Variants in KCNK13 observed in about 807,000 individuals in gnomAD.
The protein encoded by KCNK13 is potassium two pore domain channel subfamily K member 13.
A neutral mutation model predicts 23.4 loss-of-function variants in KCNK13; 12 were observed. That is an observed-to-expected ratio of 0.51 (90% CI 0.33 to 0.83). The LOEUF (loss-of-function observed/expected upper bound fraction) is 0.83, where lower values mean the gene tolerates loss of function less well. KCNK13 is among the 40% of genes least tolerant of loss of function. KCNK13 has a pLI of 0.02. For synonymous variants in KCNK13, 231 were observed against 229.5 expected (o/e 1.01, Z -0.06); for missense variants, 463 against 556.3 (o/e 0.83, Z 1.69).
At chr14:90,114,111 C>G (rs967910121) in intron 1 of KCNK13, among the ~76,000 whole-genome samples, 1 of 152,188 alleles carries the variant, frequency 6.6e-6, no homozygotes, top group Non-Finnish European at 1.5e-5. Context: ...TGCAGCTCTT[C>G]CTTGAGTACC....
At chr14:90,168,199 C>A (rs938447476) in intron 1 of KCNK13, among the ~76,000 whole-genome samples, 2 of 152,038 alleles carry the variant, frequency 1.3e-5, no homozygotes, top group Admixed American at 6.6e-5. Context: ...CATGGCAAGA[C>A]CCCATCTCTA....
intron 1 of KCNK13, among the ~76,000 whole-genome samples, chr14:90,103,247 C>T (rs1440407049): frequency 1.3e-5 from 2 of 152,168 alleles, no homozygotes; most frequent in African/African-American, 4.8e-5. Context: ...GAGGAACATA[C>T]CAGTGCATTT....
chr14:90,062,636 G>T lies in KCNK13; in HGVS notation c.334+97G>T. On this transcript the variant is annotated intron_variant, in intron 1 of 1. Coordinates refer to ENST00000282146, the MANE Select transcript of KCNK13 (RefSeq NM_022054.4). The surrounding 1 kb of genome is among the most constrained non-coding windows in gnomAD (Gnocchi z 4.5). ...CTCTCATCCTTTCATTCATCCATCTGGGCGCCCAGCCAGACTCCACTGACA... is the reference window on the plus strand; with the variant it reads ...CTCTCATCCTTTCATTCATCCATCTTGGCGCCCAGCCAGACTCCACTGACA... 4.1e-6 allele frequency: 4 copies of T among 966,782 alleles called. No homozygotes were observed. The allele number at this position is 966,782 out of a possible 1,614,324, so 59.9% of individuals were successfully genotyped here. A position where few individuals can be genotyped will look rare whatever the true frequency, so the allele number is the denominator to read the frequency against.
At chr14:90,130,664 A>C (rs2140422476) in intron 1 of KCNK13, among the ~76,000 whole-genome samples, 1 of 152,114 alleles carries the variant, frequency 6.6e-6, no homozygotes, top group South Asian at 2.1e-4. Flanking sequence ...AATACAAAAA[A>C]TCAGCCAGGT....
chr14:90,134,264 T>G (rs1357161463), intron 1 of KCNK13, among the ~76,000 whole-genome samples: 1 of 152,198 alleles, frequency 6.6e-6, no homozygotes, highest in African/African-American at 2.4e-5. Flanking sequence ...TAGGTCAGAA[T>G]GTATAGAATT....
chr14:90,161,485 C>T (rs1890252684), intron 1 of KCNK13, among the ~76,000 whole-genome samples: 1 of 152,060 alleles, frequency 6.6e-6, no homozygotes, highest in Non-Finnish European at 1.5e-5. Flanking sequence ...AATAAGAAAA[C>T]AACCAAAAAT....
rs147667517 is a variant in KCNK13, at chr14:90,104,651, T to A, written c.334+42112T>A. Among the ~76,000 whole-genome samples the A allele has an allele frequency of 3.1e-3, 466 of 151,622 alleles. 5 individuals are homozygous for A. The highest frequency in any genetic ancestry group is 0.011 in the African/African-American group (448 of 41,320). On this transcript the variant is annotated intron_variant, in intron 1 of 1. Coordinates refer to ENST00000282146, the MANE Select transcript of KCNK13 (RefSeq NM_022054.4). ...TGTTTCTTTCCTGGGCCACATATCC[T>A]CCTGGGATGGTCAGATTAAGCCCAA...
intron 1 of KCNK13, among the ~76,000 whole-genome samples, chr14:90,132,264 C>T (rs1012151168): frequency 1.3e-5 from 2 of 152,292 alleles, no homozygotes; most frequent in Admixed American, 1.3e-4. Context: ...AGAATGGAGG[C>T]TGGGTGCAGT....
chr14:90,083,267 A>C (rs1439857149), intron 1 of KCNK13, among the ~76,000 whole-genome samples: 1 of 152,212 alleles, frequency 6.6e-6, no homozygotes, highest in Non-Finnish European at 1.5e-5. Flanking sequence ...ATTTTGATAA[A>C]GTCCAATTTA....
chr14:90,176,155 A>G (rs1417887764), intron 1 of KCNK13, among the ~76,000 whole-genome samples: 1 of 152,222 alleles, frequency 6.6e-6, no homozygotes, highest in Non-Finnish European at 1.5e-5. Context: ...TATGTACCAC[A>G]AGCAACAGGA....
intron 1 of KCNK13, among the ~76,000 whole-genome samples, chr14:90,125,092 G>A (rs756174797): frequency 9.9e-5 from 15 of 152,072 alleles, no homozygotes; most frequent in African/African-American, 3.6e-4. Context: ...GGACGTTTTT[G>A]TAATAAAAAT....
chr14:90,154,020 C>T (rs546500403), intron 1 of KCNK13, among the ~76,000 whole-genome samples: 74 of 152,290 alleles, frequency 4.9e-4, no homozygotes, highest in African/African-American at 1.7e-3. Context: ...CTTATCTGGT[C>T]TGCATCTCTG....
chr14:90,091,215 G>A (rs542301879), intron 1 of KCNK13, among the ~76,000 whole-genome samples: 145 of 152,284 alleles, frequency 9.5e-4, no homozygotes, highest in Admixed American at 1.6e-3. Flanking sequence ...TTTGATCATG[G>A]AGCAGTCAAG....
chr14:90,170,660 G>T (rs1387668197), intron 1 of KCNK13, among the ~76,000 whole-genome samples: 1 of 152,194 alleles, frequency 6.6e-6, no homozygotes, highest in African/African-American at 2.4e-5. Flanking sequence ...TCCTGTAAGA[G>T]TAGGATAGGG....
rs542829362 is a variant in KCNK13 at position 90,067,614 on chromosome 14, A to C, written c.334+5075A>C. Among the ~76,000 whole-genome samples the C allele has an allele frequency of 2.6e-5, 4 of 152,346 alleles. No homozygotes were observed. In the South Asian group the frequency reaches 8.3e-4, roughly 32 times the overall value. ...AATGGTTAAAATGATAAATATGTTA[A>C]GTATATTTGACTGCAGTAAAGAAAA... On this transcript the variant is annotated intron_variant, in intron 1 of 1. Transcript: ENST00000282146.
intron 1 of KCNK13, among the ~76,000 whole-genome samples, chr14:90,094,700 T>C (rs1346494564): frequency 7.0e-6 from 1 of 143,064 alleles, no homozygotes; most frequent in East Asian, 2.0e-4. Flanking sequence ...CAGGCTGGAG[T>C]GCAGTGGCGC....
intron 1 of KCNK13, chr14:90,177,441 T>C (rs187232136): frequency 6.6e-6 from 1 of 152,330 alleles, no homozygotes; most frequent in Non-Finnish European, 1.5e-5. Context: ...CCCTTTTCTA[T>C]GTATGTCCGT....
intron 1 of KCNK13, among the ~76,000 whole-genome samples, chr14:90,074,690 GTTTTTCTCTTATGTT>G (rs1401099220): frequency 1.1e-4 from 16 of 151,990 alleles, no homozygotes; most frequent in Middle Eastern, 3.2e-3. Flanking sequence ...ATTTCAGTTG[GTTTTTCTCTTATGTT>G]ACTGAATTTT....
At chr14:90,079,260 T>G (rs1330961667) in intron 1 of KCNK13, among the ~76,000 whole-genome samples, 2 of 152,068 alleles carry the variant, frequency 1.3e-5, no homozygotes, top group Non-Finnish European at 2.9e-5. Context: ...GACTCTGGGC[T>G]AAGGATTTGG....
Sources: allele counts gnomAD v4.1 joint callset (sites outside exome capture counted in the v4.1 genomes callset), GRCh38; gene constraint gnomAD v4.1.1; non-coding constraint Gnocchi (gnomAD v3.1); transcripts MANE v1.5; gene names NCBI Gene and HGNC (gene_info 2026-07-23, HGNC 2026-07-21).